The following BRPF3 variants were observed in gnomAD, a reference collection of about 807,000 sequenced individuals.
The protein encoded by BRPF3 is bromodomain and PHD finger containing 3.
A neutral mutation model predicts 102.0 loss-of-function variants in BRPF3; 18 were observed. The observed-to-expected ratio is 0.18, with a 90% CI of 0.12 to 0.26. The LOEUF is 0.26. Among genes scored for constraint, BRPF3 ranks in the 10% least tolerant of loss-of-function variants. The pLI is 1.00. For missense variants in BRPF3, 1,147 were observed against 1,567.8 expected (o/e 0.73, Z 4.53); for synonymous variants, 570 against 614.2 (o/e 0.93, Z 1.06).
At chr6:36,216,385 G>A (rs1768328423) in intron 8 of BRPF3, among the ~76,000 whole-genome samples, 1 of 152,174 alleles carries the variant, frequency 6.6e-6, no homozygotes, top group Non-Finnish European at 1.5e-5. Flanking sequence ...ACCTGAGGGG[G>A]CCTGTTGCTT....
chr6:36,216,231 C>T (rs995593498), intron 8 of BRPF3, among the ~76,000 whole-genome samples: 1 of 152,214 alleles, frequency 6.6e-6, no homozygotes, highest in African/African-American at 2.4e-5. Flanking sequence ...CTTTATAAAG[C>T]ACTTGGCATA....
At chr6:36,197,862 T>C (rs1464609182) in intron 1 of BRPF3, among the ~76,000 whole-genome samples, 1 of 152,138 alleles carries the variant, frequency 6.6e-6, no homozygotes, top group Non-Finnish European at 1.5e-5. Flanking sequence ...AAAACACGTC[T>C]GTGTAGAGTC....
In BRPF3 at chr6:36,214,826, A is replaced by G. The variant is rs772770145; in HGVS notation, c.2989+440A>G. ...TATTAGAAGATTTGGAGAAAGATCC[A>G]GCAGGGAAGGAATGCTAGAGTGGTC... is the stretch of plus-strand genomic sequence containing the variant. On this transcript the variant is annotated intron_variant, in intron 8 of 12. Transcript: ENST00000357641. Among the ~76,000 whole-genome samples, 88 of 152,252 alleles carry G rather than the reference A, an allele frequency of 5.8e-4. 1 individual carries two copies. The highest frequency in any genetic ancestry group is 1.2e-3 in the Non-Finnish European group (79 of 68,046).
At chr6:36,226,220 A>G (rs577058857) in intron 11 of BRPF3, among the ~76,000 whole-genome samples, 2 of 152,344 alleles carry the variant, frequency 1.3e-5, no homozygotes, top group South Asian at 4.1e-4. Context: ...TTCTTGGGGC[A>G]AAGTCTATGC....
At position 36,204,027 on chromosome 6, in the gene BRPF3, T is replaced by C. The variant is rs376964904; in HGVS notation, c.1449-631T>C. ...GAGTTACTGGCTTAAACCCTGACCT[T>C]AAGACTTTTGAGTAGTTTAGCCAGC... On this transcript the variant is annotated intron_variant, in intron 2 of 12. Coordinates refer to ENST00000357641, the MANE Select transcript of BRPF3 (RefSeq NM_015695.3). Among the ~76,000 whole-genome samples, 8 of 152,356 alleles carry C rather than the reference T, an allele frequency of 5.3e-5. No homozygotes were observed. The East Asian group carries it at 1.3e-3, about 26-fold the overall frequency.
rs1484313751 is a variant in BRPF3, at chr6:36,210,259, C to T, written c.1910C>T (p.Ser637Phe). The T allele has an allele frequency of 6.2e-7, 1 of 1,614,106 alleles. No individual in the cohort carries two copies. The highest frequency in any genetic ancestry group is 1.3e-5 in the African/African-American group (1 of 74,920). The change falls in exon 6 of 13, where the codon TCT becomes TTT. Residue 637 changes from serine to phenylalanine, a missense_variant. Physicochemically the swap from Ser to Phe is radical, Grantham distance 155. This residue lies in a region of BRPF3 where 109 missense variants were observed against 175.1 expected (regional missense o/e 0.62). Coordinates refer to ENST00000357641, the MANE Select transcript of BRPF3 (RefSeq NM_015695.3). This position sits in a 1 kb window ranked among gnomAD's most constrained non-coding sequence, Gnocchi z 4.7. ...TTCATATCCAAGCCAATGGATTTTTCTACTATGAGGCGGAAGCTGGAGTCC... is the reference window on the plus strand; with the variant it reads ...TTCATATCCAAGCCAATGGATTTTTTTACTATGAGGCGGAAGCTGGAGTCC... The part of the protein sequence containing the change: ...LEFISKPMDF[S>F]TMRRKLESHL...
Position 36,200,610 on chromosome 6 carries a change from G to A in BRPF3, c.288G>A (p.Lys96=). The change falls in exon 2 of 13, where the codon AAG becomes AAA. Residue 96 remains lysine, a synonymous_variant. Transcript: ENST00000357641. This position sits in a 1 kb window ranked among gnomAD's most constrained non-coding sequence, Gnocchi z 5.3. The part of the protein sequence containing the change: ...FPGKSKKPSS[K]GKKKESCSKH... ...GCAAGTCCAAGAAACCCTCATCCAA[G>A]GGCAAAAAGAAGGAATCCTGCTCCA... The A allele has an allele frequency of 3.7e-6, 6 of 1,614,160 alleles. No homozygotes were observed. The highest frequency in any genetic ancestry group is 5.1e-6 in the Non-Finnish European group (6 of 1,180,020).
intron 9 of BRPF3, among the ~76,000 whole-genome samples, chr6:36,219,673 G>A (rs1362499392): frequency 1.3e-5 from 2 of 152,200 alleles, no homozygotes; most frequent in Non-Finnish European, 2.9e-5. Flanking sequence ...CCCCTTGGAG[G>A]AAGTATGTAT....
chr6:36,208,933 AC>A (rs1457733864), intron 4 of BRPF3, among the ~76,000 whole-genome samples: 2 of 152,178 alleles, frequency 1.3e-5, no homozygotes, highest in Non-Finnish European at 2.9e-5. Flanking sequence ...GGCCCTGGTG[AC>A]CCCATGCTGA....
intron 1 of BRPF3, among the ~76,000 whole-genome samples, chr6:36,199,956 G>A (rs1767634860): frequency 6.6e-6 from 1 of 152,084 alleles, no homozygotes; most frequent in Admixed American, 6.5e-5. Flanking sequence ...GTGGAAGGAA[G>A]GAAACAATAA....
chr6:36,209,658 T>C, intron 4 of BRPF3, 129 bp from the exon 5 acceptor site: 1 of 1,178,934 alleles, frequency 8.5e-7, no homozygotes. Context: ...GCTTCTCATA[T>C]ACTGGTCAGC....
chr6:36,216,315 G>GC (rs1280431157), intron 8 of BRPF3, among the ~76,000 whole-genome samples: 1 of 152,154 alleles, frequency 6.6e-6, no homozygotes, highest in Non-Finnish European at 1.5e-5. Context: ...TGAGAACACT[G>GC]CATTAAAAGA....
chr6:36,217,889 T>C, intron 8 of BRPF3, 28 bp from the exon 9 acceptor site: 1 of 1,604,400 alleles, frequency 6.2e-7, no homozygotes, highest in Non-Finnish European at 8.5e-7. Context: ...ATTTCTGCAC[T>C]CAGACTCACT....
In BRPF3 at chr6:36,222,181, C is replaced by T; in HGVS notation, c.3097C>T (p.Pro1033Ser). 6.5e-7 allele frequency: 1 copy of T among 1,550,332 alleles called. No individual in the cohort carries two copies. Among genetic ancestry groups the T allele is most frequent in the Non-Finnish European group, 8.7e-7 (1 of 1,147,086 alleles). Residue 1033 changes from proline to serine, a missense_variant, in exon 10 of 13, where the codon CCC becomes TCC. Pro to Ser is a moderately conservative substitution (Grantham distance 74, BLOSUM62 -1). Around this residue, in one of 11 missense-constraint regions of BRPF3, gnomAD observed 379 missense variants for 426.3 expected, o/e 0.89. Transcript: ENST00000357641. ...CTCTGTGTGCAGTGGTCTGACGCCC[C>T]CCAAACGCAGCCGTGGGAAGCCAGC... ...AFEACSGLTPPKRSRGKPALS... is the reference protein window; with the variant it reads ...AFEACSGLTPSKRSRGKPALS...
intron 8 of BRPF3, 118 bp from the exon 9 acceptor site, chr6:36,217,799 A>T: frequency 1.4e-6 from 1 of 701,194 alleles, no homozygotes; most frequent in Non-Finnish European, 2.4e-6. Flanking sequence ...TCACAGGGAA[A>T]GGAATAGCCA....
rs1245809299 is a variant in BRPF3 at position 36,201,521 on chromosome 6, C to T, written c.1199C>T (p.Ser400Phe). 2.5e-6 allele frequency: 4 copies of T among 1,613,976 alleles called. No individual in the cohort carries two copies. Among genetic ancestry groups the T allele is most frequent in the Non-Finnish European group, 3.4e-6 (4 of 1,180,026 alleles). ...GAATARRKGD[S>F]PRSISETGDE... ...GCCACTGCTAGGAGGAAGGGCGACT[C>T]CCCTAGAAGCATCAGTGAGACTGGC... The change falls in exon 2 of 13, where the codon TCC (serine) becomes TTC (phenylalanine). Residue 400 changes from serine (S) to phenylalanine (F), a missense_variant. Coordinates refer to ENST00000357641, the MANE Select transcript of BRPF3 (RefSeq NM_015695.3). The surrounding 1 kb of genome is among the most constrained non-coding windows in gnomAD (Gnocchi z 5.1).
chr6:36,210,599 G>C lies in BRPF3; in HGVS notation c.2179+71G>C, dbSNP rs1208054867. 6 of 1,437,230 alleles carry C rather than the reference G, an allele frequency of 4.2e-6. No homozygotes were observed. Among genetic ancestry groups the C allele is most frequent in the Admixed American group, 2.2e-5 (1 of 45,842 alleles). The allele number at this position is 1,437,230 out of a possible 1,614,324, so 89.0% of individuals were successfully genotyped here. A position where few individuals can be genotyped will look rare whatever the true frequency, so the allele number is the denominator to read the frequency against. ...ACAGGAACAGAGTCTACAGAGTGAG[G>C]GATCAGGGTGGTCCTTGGGGCTATA... On this transcript the variant is annotated intron_variant, in intron 6 of 12. Transcript: ENST00000357641. This position sits in a 1 kb window ranked among gnomAD's most constrained non-coding sequence, Gnocchi z 4.7.
At position 36,230,585 on chromosome 6, in the gene BRPF3, C is replaced by G. The variant is rs747131238; in HGVS notation, c.3594C>G (p.Ser1198=). 1 of 1,613,894 alleles carries G rather than the reference C, an allele frequency of 6.2e-7. No homozygotes were observed. The highest frequency in any genetic ancestry group is 1.1e-5 in the South Asian group (1 of 91,066). ...IHLSRVRGPH[S]FVTSSYL The stretch of plus-strand genomic sequence containing the variant: ...TGAGCAGAGTCCGGGGGCCCCACTC[C>G]TTCGTCACTTCCAGCTACCTGTAAG... Residue 1198 remains serine (S), a synonymous_variant, in exon 13 of 13, where the codon TCC becomes TCG. Coordinates refer to ENST00000357641, the MANE Select transcript of BRPF3 (RefSeq NM_015695.3). This position sits in a 1 kb window ranked among gnomAD's most constrained non-coding sequence, Gnocchi z 5.4.
chr6:36,201,738 C>A lies in BRPF3; in HGVS notation c.1416C>A (p.Pro472=), dbSNP rs1261350072. ...EAGQDTPSTL[P]MLAVPQIPSY... is the part of the protein sequence containing the mutation. The stretch of plus-strand genomic sequence containing the variant: ...GCCAAGACACACCCTCCACTCTCCC[C>A]ATGCTTGCTGTCCCACAGATACCCT... Residue 472 remains proline, a synonymous_variant, in exon 2 of 13, where the codon CCC becomes CCA. Transcript: ENST00000357641. This position sits in a 1 kb window ranked among gnomAD's most constrained non-coding sequence, Gnocchi z 5.1. 3.9e-5 allele frequency: 63 copies of A among 1,611,240 alleles called. No individual in the cohort carries two copies. The highest frequency in any genetic ancestry group is 5.1e-5 in the Non-Finnish European group (60 of 1,178,550).
Sources: allele counts gnomAD v4.1 joint callset (sites outside exome capture counted in the v4.1 genomes callset), GRCh38; gene constraint gnomAD v4.1.1; regional missense constraint gnomAD v4.1.1; non-coding constraint Gnocchi (gnomAD v3.1); transcripts MANE v1.5; gene names NCBI Gene and HGNC (gene_info 2026-07-23, HGNC 2026-07-21).